Variants in GALNTL6 observed in about 807,000 individuals in gnomAD.
The protein encoded by GALNTL6 is polypeptide N-acetylgalactosaminyltransferase like 6, also known as polypeptide N-acetylgalactosaminyltransferase-like 6.
Under a neutral mutation model 73.7 loss-of-function variants are expected in GALNTL6, and 46 were observed. That is an observed-to-expected ratio of 0.62 (90% CI 0.49 to 0.80). The LOEUF (loss-of-function observed/expected upper bound fraction) is 0.80, where lower values mean the gene tolerates loss of function less well. Ranked by LOEUF, GALNTL6 falls within the 30% of genes least tolerant of loss-of-function variation. GALNTL6 has a pLI of 0.00. For missense variants in GALNTL6, 604 were observed against 755.0 expected (o/e 0.80, Z 2.34); for synonymous variants, 259 against 263.7 (o/e 0.98, Z 0.17).
At chr4:171,835,433 TATAGTTTATTTATAACTATAGCA>T (rs747681839) in intron 2 of GALNTL6, among the ~76,000 whole-genome samples, 358 of 152,180 alleles carry the variant, frequency 2.4e-3, no homozygotes, top group African/African-American at 5.0e-3. Context: ...TATTTACAAC[TATAGTTTATTTATAACTATAGCA>T]ATAGTTTATT....
chr4:172,663,391 A>G (rs1038586216), intron 5 of GALNTL6, among the ~76,000 whole-genome samples: 3 of 54,788 alleles, frequency 5.5e-5, no homozygotes, highest in Non-Finnish European at 1.2e-4. Context: ...TATTAAGTGT[A>G]TAGCATTAAT....
intron 5 of GALNTL6, among the ~76,000 whole-genome samples, chr4:172,624,185 G>A (rs905668780): frequency 5.3e-5 from 8 of 152,040 alleles, no homozygotes; most frequent in African/African-American, 1.4e-4. Context: ...ATTAATTTAA[G>A]TTCTTTTTTC....
intron 2 of GALNTL6, among the ~76,000 whole-genome samples, chr4:171,872,879 A>G (rs1736176409): frequency 1.3e-5 from 2 of 152,194 alleles, no homozygotes; most frequent in African/African-American, 4.8e-5. Flanking sequence ...TGGGGGACAT[A>G]ATTCAACCCA....
intron 5 of GALNTL6, among the ~76,000 whole-genome samples, chr4:172,615,484 CCCCTTACT>C (rs959134967): frequency 6.6e-5 from 10 of 152,194 alleles, no homozygotes; most frequent in South Asian, 2.1e-4. Context: ...TAACCATTGC[CCCCTTACT>C]CCCTGGAGTT....
chr4:172,264,469 AATAT>A (rs33961476), intron 3 of GALNTL6, among the ~76,000 whole-genome samples: 5,708 of 137,824 alleles, frequency 0.041, 404 homozygotes, highest in African/African-American at 0.14. Context: ...ATATATTCCA[AATAT>A]ATATATATAT....
At chr4:172,422,923 G>A (rs1038581016) in intron 5 of GALNTL6, among the ~76,000 whole-genome samples, 48 of 151,110 alleles carry the variant, frequency 3.2e-4, no homozygotes, top group African/African-American at 1.2e-3. Context: ...GAGGGAAGAG[G>A]TGATTAGTTA....
chr4:172,312,362 C>G (rs1332223068), intron 4 of GALNTL6, among the ~76,000 whole-genome samples: 1 of 151,922 alleles, frequency 6.6e-6, no homozygotes, highest in Non-Finnish European at 1.5e-5. Flanking sequence ...TCCATCTTTT[C>G]TCTATCCACC....
In GALNTL6 at chr4:172,748,888, TG is replaced by T. The variant is rs1238820864; in HGVS notation, c.554-60472del. Among the ~76,000 whole-genome samples, 4 of 348 alleles carry T rather than the reference TG, an allele frequency of 0.011. No individual in the cohort carries two copies. In the East Asian group the frequency reaches 0.2, roughly 17 times the overall value. 0.2% of individuals were successfully genotyped at this position (348 alleles called of 152,430 possible). A position where few individuals can be genotyped will look rare whatever the true frequency, so the allele number is the denominator to read the frequency against. ...ATATACACATATTTTCTTTTGTTGTTGTTGTTGTTGTTGTTGTTGTTGTTGT... is the reference window on the plus strand; with the variant it reads ...ATATACACATATTTTCTTTTGTTGTTTTGTTGTTGTTGTTGTTGTTGTTGT... On this transcript the variant is annotated intron_variant, in intron 5 of 12. Transcript: ENST00000506823.
chr4:172,412,394 G>A (rs1744477265), intron 5 of GALNTL6, among the ~76,000 whole-genome samples: 1 of 152,046 alleles, frequency 6.6e-6, no homozygotes, highest in Admixed American at 6.6e-5. Context: ...ATGTTCTCTT[G>A]GTTAATTGTA....
intron 5 of GALNTL6, among the ~76,000 whole-genome samples, chr4:172,722,994 C>T (rs1478908848): frequency 6.6e-6 from 1 of 152,124 alleles, no homozygotes; most frequent in Non-Finnish European, 1.5e-5. Context: ...GACTATGTCA[C>T]TTGTGGAGGC....
intron 1 of GALNTL6, 111 bp from the exon 2 acceptor site, chr4:171,814,301 A>C (rs148225401): frequency 8.2e-6 from 4 of 487,916 alleles, no homozygotes; most frequent in African/African-American, 1.9e-5. Context: ...ATATTAATGG[A>C]GGTCAATGGG....
intron 9 of GALNTL6, among the ~76,000 whole-genome samples, chr4:172,943,329 G>C (rs1331516039): frequency 6.6e-6 from 1 of 152,046 alleles, no homozygotes; most frequent in Non-Finnish European, 1.5e-5. Flanking sequence ...AGATCTTCCA[G>C]CCCCGTCAAA....
At chr4:172,937,887 C>T (rs536896279) in intron 9 of GALNTL6, among the ~76,000 whole-genome samples, 1 of 151,992 alleles carries the variant, frequency 6.6e-6, no homozygotes, top group African/African-American at 2.4e-5. Context: ...TATGATGTAA[C>T]AAAAGAGAAA....
At chr4:172,635,006 C>G (rs560260986) in intron 5 of GALNTL6, among the ~76,000 whole-genome samples, 3 of 152,156 alleles carry the variant, frequency 2.0e-5, no homozygotes, top group South Asian at 4.1e-4. Context: ...TTAGTTTTTA[C>G]AAGAGGAATA....
At chr4:172,431,838 G>A (rs1259993545) in intron 5 of GALNTL6, among the ~76,000 whole-genome samples, 2 of 152,034 alleles carry the variant, frequency 1.3e-5, no homozygotes, top group Admixed American at 1.3e-4. Context: ...AAATCTCACT[G>A]TGATATTAAC....
intron 3 of GALNTL6, among the ~76,000 whole-genome samples, chr4:172,273,561 A>G (rs1313413600): frequency 6.6e-6 from 1 of 152,232 alleles, no homozygotes; most frequent in Non-Finnish European, 1.5e-5. Context: ...AACAGAAAAG[A>G]GAAGCAGGGT....
rs201003411 is a variant in GALNTL6, at chr4:171,956,665, ATTCT to A, written c.138+141950_138+141953del. Among the ~76,000 whole-genome samples the A allele has an allele frequency of 1.7e-3, 259 of 152,322 alleles. 2 individuals carry two copies. Among genetic ancestry groups the A allele is most frequent in the Admixed American group, 0.011 (174 of 15,294 alleles). On this transcript the variant is annotated intron_variant, in intron 2 of 12. Transcript: ENST00000506823. ...GTTTTATTATCATTTTTAAAATTAA[ATTCT>A]TTATCAGTTGCAAAACTATTACAAC... is the stretch of plus-strand genomic sequence containing the variant.
intron 2 of GALNTL6, among the ~76,000 whole-genome samples, chr4:172,201,504 C>G (rs996805972): frequency 2.3e-4 from 34 of 150,466 alleles, no homozygotes; most frequent in African/African-American, 6.1e-4. Context: ...GGCACCGGGA[C>G]TAGTTTTTTT....
intron 2 of GALNTL6, among the ~76,000 whole-genome samples, chr4:171,817,167 G>A (rs142864244): frequency 2.8e-4 from 43 of 152,144 alleles, no homozygotes; most frequent in African/African-American, 9.4e-4. Flanking sequence ...AGCACTGACA[G>A]CAATAAGTAC....
Sources: gnomAD v4.1 joint callset for allele counts (sites outside exome capture counted in the v4.1 genomes callset) on GRCh38, gnomAD v4.1.1 for gene constraint, MANE v1.5 for transcripts, NCBI Gene and HGNC (gene_info 2026-07-23, HGNC 2026-07-21) for gene names.